VWA5B1: variants seen among roughly 807,000 people sequenced by gnomAD.
VWA5B1 encodes von Willebrand factor A domain containing 5B1.
VWA5B1 carries 115 observed loss-of-function variants against 118.2 expected under a neutral mutation model. The ratio of observed to expected loss-of-function variants is 0.97; its 90% confidence interval spans 0.84 to 1.14. The LOEUF (loss-of-function observed/expected upper bound fraction) is 1.14, where lower values mean the gene tolerates loss of function less well. Among genes scored for constraint, VWA5B1 ranks in the 50% most tolerant of loss-of-function variants. The pLI is 0.00. For missense variants in VWA5B1, 1,596 were observed against 1,603.8 expected, an observed-to-expected ratio of 1.00 and a Z score of 0.08; for synonymous variants, 682 against 658.4, an observed-to-expected ratio of 1.04 and a Z score of -0.55.
intron 1 of VWA5B1, among the ~76,000 whole-genome samples, chr1:20,291,359 TTC>T (rs67596546): frequency 0.012 from 1,217 of 103,226 alleles, 38 homozygotes; most frequent in East Asian, 0.094. Flanking sequence ...CTTTCTTTCT[TTC>T]TCTCTCTCTC....
Position 20,317,664 on chromosome 1 carries a change from G to A in VWA5B1, c.698G>A (p.Cys233Tyr), listed in dbSNP as rs374971731. The change falls in exon 5 of 22, where the codon TGT (cysteine) becomes TAT (tyrosine). Residue 233 changes from cysteine to tyrosine, a missense_variant. Cys to Tyr is a radical substitution (Grantham distance 194, BLOSUM62 -2). Coordinates refer to ENST00000289815, the MANE Select transcript of VWA5B1 (RefSeq NM_001039500.3). Reference protein sequence around the residue: ...FNFQLEIRGPCLLAGVESPTH... With the variant: ...FNFQLEIRGPYLLAGVESPTH... ...TTCCAGCTGGAGATCCGTGGGCCATGTCTGCTCGCAGGTGAGAGGGAGACA... is the reference window on the plus strand; with the variant it reads ...TTCCAGCTGGAGATCCGTGGGCCATATCTGCTCGCAGGTGAGAGGGAGACA... 2.6e-6 allele frequency: 4 copies of A among 1,551,316 alleles called. No homozygotes were observed. The highest frequency in any genetic ancestry group is 2.7e-5 in the African/African-American group (2 of 72,970).
rs1394127453 is a variant in VWA5B1 at position 20,342,511 on chromosome 1, C to T, written c.2213C>T (p.Pro738Leu). Residue 738 changes from proline to leucine, a missense_variant, in exon 15 of 22, where the codon CCC becomes CTC. Physicochemically the swap from Pro to Leu is moderately conservative, Grantham distance 98. Coordinates refer to ENST00000289815, the MANE Select transcript of VWA5B1 (RefSeq NM_001039500.3). ...GGGGCCCGAAGGCCCTCTCTGCTGC[C>T]CCAAGGCTGCCAGCCCTTCCTGCCC... ...GPGARRPSLL[P>L]QGCQPFLPWG... The T allele has an allele frequency of 1.3e-6, 2 of 1,550,728 alleles. No individual in the cohort carries two copies. Among genetic ancestry groups the T allele is most frequent in the African/African-American group, 1.4e-5 (1 of 73,030 alleles).
At chr1:20,327,795 G>A (rs1377282060) in intron 8 of VWA5B1, 95 bp from the exon 9 acceptor site, 9 of 1,049,540 alleles carry the variant, frequency 8.6e-6, no homozygotes, top group Non-Finnish European at 1.3e-5. Flanking sequence ...CTGTTTGGAG[G>A]CTGCTCGTGT....
intron 17 of VWA5B1, among the ~76,000 whole-genome samples, chr1:20,346,089 G>A (rs1288480833): frequency 6.6e-6 from 1 of 152,130 alleles, no homozygotes; most frequent in East Asian, 1.9e-4. Context: ...ATATGGGCGT[G>A]GAAAGTGCCA....
intron 17 of VWA5B1, among the ~76,000 whole-genome samples, chr1:20,345,925 A>G (rs945662010): frequency 2.4e-4 from 36 of 152,246 alleles, no homozygotes; most frequent in African/African-American, 8.2e-4. Context: ...AAAAATAACT[A>G]AGACCAACAG....
Position 20,319,453 on chromosome 1 carries a change from G to A in VWA5B1, c.913G>A (p.Gly305Arg). The A allele has an allele frequency of 6.4e-7, 1 of 1,551,780 alleles. No individual in the cohort carries two copies. The highest frequency in any genetic ancestry group is 2.0e-5 in the Admixed American group (1 of 51,004). The stretch of plus-strand genomic sequence containing the variant: ...GGGAGAGTTTGACCAGCACTTGAAG[G>A]GAAGAACAGATTTCATTAAAGGGAT... ...TLGEFDQHLK[G>R]RTDFIKGMKK... is the part of the protein sequence containing the mutation. Residue 305 changes from glycine (G) to arginine (R), a missense_variant, in exon 7 of 22, where the codon GGA becomes AGA. Transcript: ENST00000289815.
Position 20,353,971 on chromosome 1 carries a change from C to T in VWA5B1, c.3356C>T (p.Pro1119Leu). ...TCCTGTGACAGCTTCTCCCTGGAGC[C>T]TCTGGCCAAGGGCAAGCTGGGCCTG... ...HPSCDSFSLE[P>L]LAKGKLGLEP... Residue 1119 changes from proline to leucine, a missense_variant, in exon 22 of 22, where the codon CCT becomes CTT. Pro to Leu is a moderately conservative substitution (Grantham distance 98, BLOSUM62 -3). Coordinates refer to ENST00000289815, the MANE Select transcript of VWA5B1 (RefSeq NM_001039500.3). The T allele has an allele frequency of 6.4e-7, 1 of 1,551,750 alleles. No individual in the cohort carries two copies. The highest frequency in any genetic ancestry group is 1.2e-5 in the South Asian group (1 of 84,050).
intron 16 of VWA5B1, 81 bp downstream of exon 16, chr1:20,343,474 C>A: frequency 6.9e-7 from 1 of 1,441,742 alleles, no homozygotes; most frequent in Non-Finnish European, 9.1e-7. Context: ...CCCTTCCCCA[C>A]CCGCCCCCGG....
At chr1:20,312,796 G>C in intron 2 of VWA5B1, 40 bp from the exon 3 acceptor site, 1 of 1,524,832 alleles carries the variant, frequency 6.6e-7, no homozygotes, top group South Asian at 1.2e-5. Context: ...GTGCAGGGTA[G>C]GCCTGGGGCA....
intron 8 of VWA5B1, among the ~76,000 whole-genome samples, chr1:20,326,977 G>T (rs1469980567): frequency 6.6e-6 from 1 of 152,154 alleles, no homozygotes. Flanking sequence ...GTAATTGCTT[G>T]ATATTTATCA....
Position 20,314,585 on chromosome 1 carries a change from G to A in VWA5B1, c.556G>A (p.Ala186Thr). 1.3e-6 allele frequency: 2 copies of A among 1,551,310 alleles called. No homozygotes were observed. Among genetic ancestry groups the A allele is most frequent in the African/African-American group, 1.4e-5 (1 of 73,138 alleles). Residue 186 changes from alanine (A) to threonine (T), a missense_variant, in exon 4 of 22, where the codon GCC becomes ACC. By Grantham distance (58) the Ala-to-Thr change is moderately conservative. Coordinates refer to ENST00000289815, the MANE Select transcript of VWA5B1 (RefSeq NM_001039500.3). ...GAGCACTGGCACCTCCAACCAACAG[G>A]CCCAGGGGTAAGGAAGCCCTGCCCA... ...TKSTGTSNQQ[A>T]QGKDRHCFGA...
intron 1 of VWA5B1, among the ~76,000 whole-genome samples, chr1:20,295,535 T>C (rs950132109): frequency 2.0e-5 from 3 of 152,172 alleles, no homozygotes; most frequent in African/African-American, 7.2e-5. Flanking sequence ...CTTGTGAATC[T>C]TCCTAAGGCA....
At chr1:20,332,479 CAAAAT>C (rs56767113) in intron 11 of VWA5B1, among the ~76,000 whole-genome samples, 10,234 of 88,564 alleles carry the variant, frequency 0.12, 817 homozygotes, top group African/African-American at 0.23. Flanking sequence ...GACTCTGTCT[CAAAAT>C]AAAATAAAAT....
At chr1:20,295,091 T>C (rs1371655514) in intron 1 of VWA5B1, among the ~76,000 whole-genome samples, 1 of 151,816 alleles carries the variant, frequency 6.6e-6, no homozygotes, top group Non-Finnish European at 1.5e-5. Flanking sequence ...CACTCCTAGA[T>C]AAAGGGGTGG....
chr1:20,352,162 AC>A lies in VWA5B1; in HGVS notation c.3132del (p.Tyr1044Ter), dbSNP rs1157520562. The stretch of plus-strand genomic sequence containing the variant: ...ACCTCCGGGAACCAGAGCTTCGACT[AC>A]ATACCTCTGGTGAGTGCCCTGACCC... ...ESTSGNQSFD[Y>X]IPLVSLQLAS... On this transcript the variant is annotated frameshift_variant, in exon 21 of 22. Transcript: ENST00000289815. LOFTEE classifies it low-confidence loss of function (END_TRUNC). 1 of 1,550,928 alleles carries A rather than the reference AC, an allele frequency of 6.4e-7. No individual in the cohort carries two copies. The highest frequency in any genetic ancestry group is 8.7e-7 in the Non-Finnish European group (1 of 1,146,754).
intron 7 of VWA5B1, among the ~76,000 whole-genome samples, chr1:20,319,847 C>T (rs1402133775): frequency 6.6e-6 from 1 of 152,196 alleles, no homozygotes; most frequent in Non-Finnish European, 1.5e-5. Flanking sequence ...CCCTTCAGCT[C>T]CTTACCTCCT....
rs2088824671 is a variant in VWA5B1, at chr1:20,310,754, C to T, written c.139+14C>T. 1 of 1,530,216 alleles carries T rather than the reference C, an allele frequency of 6.5e-7. No homozygotes were observed. Among genetic ancestry groups the T allele is most frequent in the East Asian group, 2.5e-5 (1 of 40,506 alleles). The allele number at this position is 1,530,216 out of a possible 1,614,324, so 94.8% of individuals were successfully genotyped here. On this transcript the variant is annotated intron_variant, in intron 2 of 21. Coordinates refer to ENST00000289815, the MANE Select transcript of VWA5B1 (RefSeq NM_001039500.3). ...AGCCCTTCCAGGGTAAGGACACCTG[C>T]TGGGGCCTCCCCGGGACCACCCCCT...
chr1:20,312,333 C>T (rs2100842929), intron 2 of VWA5B1, among the ~76,000 whole-genome samples: 1 of 152,296 alleles, frequency 6.6e-6, no homozygotes, highest in South Asian at 2.1e-4. Flanking sequence ...TCACTACAAA[C>T]CCTGGGAATT....
At position 20,336,410 on chromosome 1, in the gene VWA5B1, G is replaced by A. The variant is rs535772144; in HGVS notation, c.1866G>A (p.Lys622=). 1.3e-4 allele frequency: 192 copies of A among 1,526,004 alleles called. 3 individuals are homozygous for A. In the South Asian group the frequency reaches 2.3e-3, roughly 18 times the overall value. The allele number at this position is 1,526,004 out of a possible 1,614,324, so 94.5% of individuals were successfully genotyped here. The change falls in exon 13 of 22, where the codon AAG becomes AAA. Residue 622 remains lysine, a synonymous_variant. Transcript: ENST00000289815. ...GGCTGGAAGGTGGAGACTGTGCCAA[G>A]AACTCGGGGGCACCCTTCATCCTAG... The part of the protein sequence containing the change: ...GPGLEGGDCA[K]NSGAPFILGQ...
Sources: allele counts gnomAD v4.1 joint callset (sites outside exome capture counted in the v4.1 genomes callset), GRCh38; gene constraint gnomAD v4.1.1; transcripts MANE v1.5; gene names NCBI Gene and HGNC (gene_info 2026-07-23, HGNC 2026-07-21).